HDAC1: variants seen among roughly 807,000 people sequenced by gnomAD.
HDAC1 encodes histone deacetylase 1, also known as protein deacetylase HDAC1.
Under a neutral mutation model 65.5 loss-of-function variants are expected in HDAC1, and 18 were observed. The observed-to-expected ratio is 0.27, with a 90% confidence interval of 0.19 to 0.41. The LOEUF (loss-of-function observed/expected upper bound fraction) is 0.41. Ranked by LOEUF, HDAC1 falls within the 10% of genes least tolerant of loss-of-function variation. HDAC1 has a pLI of 1.00. For synonymous variants in HDAC1, 211 were observed against 227.9 expected, an observed-to-expected ratio of 0.93 and a Z score of 0.67; for missense variants, 373 against 625.2, an observed-to-expected ratio of 0.60 and a Z score of 4.30.
rs770073459 is a variant in HDAC1 at position 32,329,406 on chromosome 1, C to T, written c.729+246C>T. On this transcript the variant is annotated intron_variant, in intron 7 of 13. Coordinates refer to ENST00000373548, the MANE Select transcript of HDAC1 (RefSeq NM_004964.3). This position sits in a 1 kb window ranked among gnomAD's most constrained non-coding sequence, Gnocchi z 4.1. ...ATCTAAGACATGATCTTTGCCCTCACGGACTATGGTGGGGAAGGCAGGCAC... is the reference window on the plus strand; with the variant it reads ...ATCTAAGACATGATCTTTGCCCTCATGGACTATGGTGGGGAAGGCAGGCAC... 1.9e-4 allele frequency: 110 copies of T among 580,966 alleles called. No individual in the cohort carries two copies. The highest frequency in any genetic ancestry group is 2.8e-4 in the Non-Finnish European group (90 of 324,526). The allele number at this position is 580,966 out of a possible 1,614,324, so 36.0% of individuals were successfully genotyped here. A position where few individuals can be genotyped will look rare whatever the true frequency, so the allele number is the denominator to read the frequency against.
intron 2 of HDAC1, among the ~76,000 whole-genome samples, chr1:32,315,198 A>G (rs547427377): frequency 6.6e-6 from 1 of 152,254 alleles, no homozygotes; most frequent in South Asian, 2.1e-4. Context: ...TTGTCAAGGA[A>G]GTGTTAGTGG....
At position 32,322,086 on chromosome 1, in the gene HDAC1, G is replaced by A. The variant is rs530173246; in HGVS notation, c.281-2393G>A. On this transcript the variant is annotated intron_variant, in intron 3 of 13. Coordinates refer to ENST00000373548, the MANE Select transcript of HDAC1 (RefSeq NM_004964.3). Reference sequence around the variant, plus strand: ...TTATTGTAGATCTTGAGCTTCAACTGTGTCTTGAGATTTTACCAGCACAAT... The same window carrying A: ...TTATTGTAGATCTTGAGCTTCAACTATGTCTTGAGATTTTACCAGCACAAT... 7.2e-5 allele frequency among the ~76,000 whole-genome samples: 11 copies of A among 152,172 alleles called. No individual in the cohort carries two copies. The South Asian group carries it at 2.3e-3, about 32-fold the overall frequency.
intron 1 of HDAC1, among the ~76,000 whole-genome samples, chr1:32,294,747 C>T (rs1640744620): frequency 1.3e-5 from 2 of 151,610 alleles, no homozygotes; most frequent in Non-Finnish European, 2.9e-5. Flanking sequence ...ATCTCCTGAC[C>T]TCATGATCCG....
Position 32,308,330 on chromosome 1 carries a change from A to G in HDAC1, c.162+5597A>G, listed in dbSNP as rs115038341. Reference sequence around the variant, plus strand: ...GTGAAACTCCGTCTCAAAAAAAAGAATATTTACTTCGTCAACAGGGTGTCA... The same window carrying G: ...GTGAAACTCCGTCTCAAAAAAAAGAGTATTTACTTCGTCAACAGGGTGTCA... On this transcript the variant is annotated intron_variant, in intron 2 of 13. Coordinates refer to ENST00000373548, the MANE Select transcript of HDAC1 (RefSeq NM_004964.3). Among the ~76,000 whole-genome samples the G allele has an allele frequency of 3.4e-3, 525 of 152,252 alleles. 3 individuals carry two copies. The highest frequency in any genetic ancestry group is 0.012 in the African/African-American group (490 of 41,548).
rs988936299 is a variant in HDAC1 at position 32,327,831 on chromosome 1, T to C, written c.636+154T>C. The C allele has an allele frequency of 1.9e-5, 13 of 695,924 alleles. No homozygotes were observed. Among genetic ancestry groups the C allele is most frequent in the African/African-American group, 1.6e-4 (9 of 56,794 alleles). 43.1% of individuals were successfully genotyped at this position (695,924 alleles called of 1,614,324 possible). On this transcript the variant is annotated intron_variant, in intron 6 of 13. Transcript: ENST00000373548. The surrounding 1 kb of genome is among the most constrained non-coding windows in gnomAD (Gnocchi z 6.0). Reference sequence around the variant, plus strand: ...AGCACTTGCCCTGATCTCTTTCCCTTCCTTATTCTGGAGGAAGGGAATGAT... The same window carrying C: ...AGCACTTGCCCTGATCTCTTTCCCTCCCTTATTCTGGAGGAAGGGAATGAT...
Position 32,332,689 on chromosome 1 carries a change from C to A in HDAC1, c.1373-12C>A. 1.3e-6 allele frequency: 2 copies of A among 1,552,964 alleles called. No homozygotes were observed. Among genetic ancestry groups the A allele is most frequent in the East Asian group, 2.4e-5 (1 of 41,288 alleles). On this transcript the variant is annotated splice_polypyrimidine_tract_variant and intron_variant, in intron 12 of 13. Coordinates refer to ENST00000373548, the MANE Select transcript of HDAC1 (RefSeq NM_004964.3). The stretch of plus-strand genomic sequence containing the variant: ...TGCTGCCCTTGGCCATCCCTGTACT[C>A]TTGTGTTCTAGAAGTCACCGAAGAG...
rs75131756 is a variant in HDAC1 at position 32,321,961 on chromosome 1, C to A, written c.281-2518C>A. 2.0e-3 allele frequency among the ~76,000 whole-genome samples: 311 copies of A among 152,254 alleles called. 3 individuals carry two copies. In the East Asian group the frequency reaches 0.035, roughly 17 times the overall value. Reference sequence around the variant, plus strand: ...CCCAGGAAGTGAGGAAGAGACCCACCCGCTGCACACTCCCTCATGCAGCCA... The same window carrying A: ...CCCAGGAAGTGAGGAAGAGACCCACACGCTGCACACTCCCTCATGCAGCCA... On this transcript the variant is annotated intron_variant, in intron 3 of 13. Transcript: ENST00000373548.
chr1:32,319,038 G>T (rs1356246873), intron 3 of HDAC1, among the ~76,000 whole-genome samples: 1 of 152,044 alleles, frequency 6.6e-6, no homozygotes, highest in East Asian at 1.9e-4. Flanking sequence ...AGAATTGCTT[G>T]AACCCAGGAG....
At chr1:32,321,477 G>A (rs925581010) in intron 3 of HDAC1, among the ~76,000 whole-genome samples, 5 of 147,166 alleles carry the variant, frequency 3.4e-5, no homozygotes, top group African/African-American at 1.0e-4. Flanking sequence ...TGCCTTCTCT[G>A]CCTACGTCTG....
chr1:32,331,803 T>G lies in HDAC1; in HGVS notation c.1216T>G (p.Ser406Ala). The G allele has an allele frequency of 6.2e-7, 1 of 1,609,978 alleles. No individual in the cohort carries two copies. The highest frequency in any genetic ancestry group is 8.5e-7 in the Non-Finnish European group (1 of 1,177,906). ...CGAAGACGACCCTGACAAGCGCATCTCGAGTGAGACCCAGACCTAGAGCCC... is the reference window on the plus strand; with the variant it reads ...CGAAGACGACCCTGACAAGCGCATCGCGAGTGAGACCCAGACCTAGAGCCC... ...EDEDDPDKRI[S>A]ICSSDKRIAC... The change falls in exon 11 of 14, where the codon TCG (serine) becomes GCG (alanine). Residue 406 changes from serine (S) to alanine (A), a missense_variant. Coordinates refer to ENST00000373548, the MANE Select transcript of HDAC1 (RefSeq NM_004964.3). The surrounding 1 kb of genome is among the most constrained non-coding windows in gnomAD (Gnocchi z 4.2).
chr1:32,297,141 T>C (rs996630957), intron 1 of HDAC1, among the ~76,000 whole-genome samples: 9 of 152,170 alleles, frequency 5.9e-5, no homozygotes, highest in African/African-American at 2.2e-4. Context: ...GAAGGATTGC[T>C]GGCAGTGATA....
chr1:32,316,816 C>T (rs1429866218), intron 3 of HDAC1, 34 bp downstream of exon 3: 8 of 1,332,264 alleles, frequency 6.0e-6, no homozygotes, highest in Non-Finnish European at 8.7e-6. Flanking sequence ...ACTCTGAAGC[C>T]GCCAGTTGCA....
At chr1:32,305,881 AT>A (rs1308727508) in intron 2 of HDAC1, among the ~76,000 whole-genome samples, 2 of 152,162 alleles carry the variant, frequency 1.3e-5, no homozygotes, top group African/African-American at 4.8e-5. Context: ...AAGTGCTGAG[AT>A]TACAGGCGTG....
Position 32,332,759 on chromosome 1 carries a change from G to T in HDAC1, c.1421+10G>T. The T allele has an allele frequency of 6.4e-7, 1 of 1,552,568 alleles. No homozygotes were observed. Among genetic ancestry groups the T allele is most frequent in the Non-Finnish European group, 8.7e-7 (1 of 1,146,992 alleles). ...AGCCAGAAGCCAAAGGGTGAGGAAG[G>T]AGCTGCCTGTGGCCATCTCCCTGGC... On this transcript the variant is annotated intron_variant, in intron 13 of 13. Transcript: ENST00000373548.
At chr1:32,317,303 C>G (rs529652170) in intron 3 of HDAC1, among the ~76,000 whole-genome samples, 12 of 152,246 alleles carry the variant, frequency 7.9e-5, no homozygotes, top group African/African-American at 2.9e-4. Context: ...AACTTCAGAG[C>G]AGGTCCCATC....
At chr1:32,319,956 C>T (rs542905498) in intron 3 of HDAC1, among the ~76,000 whole-genome samples, 1 of 151,832 alleles carries the variant, frequency 6.6e-6, no homozygotes, top group East Asian at 1.9e-4. Flanking sequence ...GTGGCTCATG[C>T]CTGTAATCCC....
In HDAC1 at chr1:32,327,753, T is replaced by A; in HGVS notation, c.636+76T>A. The A allele has an allele frequency of 7.2e-7, 1 of 1,382,872 alleles. No individual in the cohort carries two copies. The highest frequency in any genetic ancestry group is 1.0e-6 in the Non-Finnish European group (1 of 973,904). 85.7% of individuals were successfully genotyped at this position (1,382,872 alleles called of 1,614,324 possible). A position where few individuals can be genotyped will look rare whatever the true frequency, so the allele number is the denominator to read the frequency against. ...ACTTCTCTCTCCTATCTCATGCCACTAAAAATTGCTTCTTGCCTCTTCTGC... is the reference window on the plus strand; with the variant it reads ...ACTTCTCTCTCCTATCTCATGCCACAAAAAATTGCTTCTTGCCTCTTCTGC... On this transcript the variant is annotated intron_variant, in intron 6 of 13. Coordinates refer to ENST00000373548, the MANE Select transcript of HDAC1 (RefSeq NM_004964.3). This position sits in a 1 kb window ranked among gnomAD's most constrained non-coding sequence, Gnocchi z 6.0.
intron 3 of HDAC1, among the ~76,000 whole-genome samples, chr1:32,322,288 T>G (rs1641158484): frequency 2.0e-5 from 3 of 151,978 alleles, no homozygotes; most frequent in African/African-American, 7.3e-5. Context: ...TTTTTTTTTT[T>G]TCTCCTGAGA....
chr1:32,308,014 A>G (rs916586328), intron 2 of HDAC1, among the ~76,000 whole-genome samples: 2 of 152,232 alleles, frequency 1.3e-5, no homozygotes, highest in African/African-American at 4.8e-5. Context: ...TTGCTATATC[A>G]AAGAGCTTAG....
Sources: allele counts gnomAD v4.1 joint callset (sites outside exome capture counted in the v4.1 genomes callset), GRCh38; gene constraint gnomAD v4.1.1; non-coding constraint Gnocchi (gnomAD v3.1); transcripts MANE v1.5; gene names NCBI Gene and HGNC (gene_info 2026-07-23, HGNC 2026-07-21).